Variants in PALD1 observed in about 807,000 individuals in gnomAD.
The protein encoded by PALD1 is phosphatase domain containing paladin 1.
A neutral mutation model predicts 96.0 loss-of-function variants in PALD1; 57 were observed. The ratio of observed to expected loss-of-function variants is 0.59; its 90% CI spans 0.48 to 0.74. The LOEUF is 0.74. Among genes scored for constraint, PALD1 ranks in the 30% least tolerant of loss-of-function variants. The pLI is 0.00. For missense variants in PALD1, 1,063 were observed against 1,143.7 expected, an observed-to-expected ratio of 0.93 and a Z score of 1.02; for synonymous variants, 464 against 473.6, an observed-to-expected ratio of 0.98 and a Z score of 0.26.
intron 1 of PALD1, among the ~76,000 whole-genome samples, chr10:70,514,174 C>CT (rs746674073): frequency 8.5e-5 from 13 of 152,210 alleles, no homozygotes; most frequent in Non-Finnish European, 1.5e-4. Flanking sequence ...GCATGCCCAC[C>CT]TTGACTTGTC....
intron 18 of PALD1, among the ~76,000 whole-genome samples, chr10:70,560,425 CTAAACAAACAAA>C (rs766515376): frequency 6.8e-5 from 9 of 131,906 alleles, no homozygotes; most frequent in African/African-American, 2.7e-4. Context: ...TAAGCATGTG[CTAAACAAACAAA>C]TAAACAAACA....
intron 15 of PALD1, 35 bp from the exon 16 acceptor site, chr10:70,541,067 C>T (rs370084946): frequency 3.1e-5 from 48 of 1,551,508 alleles, no homozygotes; most frequent in East Asian, 1.1e-4. Context: ...ATCCAAGAGA[C>T]GCCCGCTGAC....
At chr10:70,544,469 T>A (rs575768552) in intron 17 of PALD1, among the ~76,000 whole-genome samples, 1 of 151,826 alleles carries the variant, frequency 6.6e-6, no homozygotes, top group East Asian at 1.9e-4. Context: ...CAGGCAGTTA[T>A]ATGTGGACTG....
At chr10:70,534,591 C>T (rs928379650) in intron 9 of PALD1, 67 bp downstream of exon 9, 33 of 1,260,312 alleles carry the variant, frequency 2.6e-5, no homozygotes, top group African/African-American at 2.5e-4. Flanking sequence ...TCTCACTGGT[C>T]GGGGCTCTCT....
At chr10:70,496,849 G>C (rs1846203449) in intron 1 of PALD1, among the ~76,000 whole-genome samples, 2 of 152,174 alleles carry the variant, frequency 1.3e-5, no homozygotes, top group African/African-American at 2.4e-5. Context: ...GGGTCTGAGA[G>C]AGGAAGAGCC....
chr10:70,560,888 T>A (rs1303090569), intron 18 of PALD1, among the ~76,000 whole-genome samples: 2 of 151,928 alleles, frequency 1.3e-5, no homozygotes, highest in Non-Finnish European at 2.9e-5. Context: ...GCTCCACTAT[T>A]TTTATCAACA....
chr10:70,562,818 G>A (rs558140249), intron 18 of PALD1, among the ~76,000 whole-genome samples: 1 of 152,100 alleles, frequency 6.6e-6, no homozygotes, highest in Non-Finnish European at 1.5e-5. Flanking sequence ...GGTGGGCAGG[G>A]TGCCCTGTAG....
the PALD1 span, among the ~76,000 whole-genome samples, chr10:70,460,783 A>C: frequency 2.0e-5 from 3 of 152,138 alleles, no homozygotes; most frequent in African/African-American, 4.8e-5. Context: ...AGGCCGGGCC[A>C]GGTGGCTCAC....
intron 1 of PALD1, among the ~76,000 whole-genome samples, chr10:70,523,605 C>T (rs905461150): frequency 4.6e-5 from 7 of 152,158 alleles, no homozygotes. Flanking sequence ...CATAGAGGCT[C>T]ATTCCCTCCA....
intron 1 of PALD1, among the ~76,000 whole-genome samples, chr10:70,502,622 G>A (rs942757836): frequency 2.0e-5 from 3 of 152,120 alleles, no homozygotes; most frequent in Non-Finnish European, 2.9e-5. Flanking sequence ...ATGGAGCAGT[G>A]GTGGATGAAT....
chr10:70,509,593 T>C (rs934239126), intron 1 of PALD1, among the ~76,000 whole-genome samples: 10 of 152,166 alleles, frequency 6.6e-5, no homozygotes, highest in Non-Finnish European at 1.0e-4. Context: ...TGAGTGCTGC[T>C]TGGCTTGGAG....
At chr10:70,463,769 G>T in the PALD1 span, among the ~76,000 whole-genome samples, 1 of 152,132 alleles carries the variant, frequency 6.6e-6, no homozygotes, top group Non-Finnish European at 1.5e-5. Context: ...CACCTCAGAT[G>T]TGGGGACAGG....
the PALD1 span, among the ~76,000 whole-genome samples, chr10:70,459,237 C>A: frequency 1.4e-3 from 213 of 152,286 alleles, no homozygotes; most frequent in African/African-American, 5.0e-3. Flanking sequence ...ACTGACGGCT[C>A]CCTTTTCAGA....
chr10:70,524,109 C>T (rs1846801931), intron 1 of PALD1, among the ~76,000 whole-genome samples: 1 of 152,154 alleles, frequency 6.6e-6, no homozygotes, highest in East Asian at 1.9e-4. Context: ...GCAGACAGTC[C>T]CTACTGATGT....
At chr10:70,532,930 A>G in intron 6 of PALD1, 65 bp from the exon 7 acceptor site, 1 of 1,513,246 alleles carries the variant, frequency 6.6e-7, no homozygotes, top group Non-Finnish European at 9.0e-7. Context: ...GTGCCCGGGA[A>G]TAGGGGGTGA....
intron 17 of PALD1, among the ~76,000 whole-genome samples, chr10:70,546,717 A>G (rs1847371697): frequency 6.6e-6 from 1 of 152,244 alleles, no homozygotes; most frequent in Non-Finnish European, 1.5e-5. Flanking sequence ...TTGGGAGGCC[A>G]AGGGTGTGGA....
In PALD1 at chr10:70,541,157, C is replaced by T; in HGVS notation, c.1964C>T (p.Thr655Ile). Residue 655 changes from threonine (T) to isoleucine (I), a missense_variant, in exon 16 of 20, where the codon ACT (threonine) becomes ATT (isoleucine). By Grantham distance (89) the Thr-to-Ile change is moderately conservative. Coordinates refer to ENST00000263563, the MANE Select transcript of PALD1 (RefSeq NM_014431.3). ...GCCGCCCTCTCCAAGGACCCAGGCA[C>T]TGGCTTCGTGTTCAGCTGCCTCAGC... ...LRAALSKDPG[T>I]GFVFSCLSGQ... 1.9e-6 allele frequency: 3 copies of T among 1,613,748 alleles called. No homozygotes were observed.
At chr10:70,505,758 C>T (rs1375542741) in intron 1 of PALD1, among the ~76,000 whole-genome samples, 3 of 152,132 alleles carry the variant, frequency 2.0e-5, no homozygotes, top group African/African-American at 7.2e-5. Flanking sequence ...CAGTGGCTCA[C>T]GTCTGTAGTC....
chr10:70,548,322 A>G (rs1847409608), intron 18 of PALD1, among the ~76,000 whole-genome samples: 1 of 152,104 alleles, frequency 6.6e-6, no homozygotes. Flanking sequence ...GTTTCATAAT[A>G]GTCCAGATTT....
Sources: gnomAD v4.1 joint callset for allele counts (sites outside exome capture counted in the v4.1 genomes callset) on GRCh38, gnomAD v4.1.1 for gene constraint, MANE v1.5 for transcripts, NCBI Gene and HGNC (gene_info 2026-07-23, HGNC 2026-07-21) for gene names.